SLC35F3: variants seen among roughly 807,000 people sequenced by gnomAD.
The protein encoded by SLC35F3 is solute carrier family 35 member F3, also known as putative thiamine transporter SLC35F3.
SLC35F3 carries 25 observed loss-of-function variants against 49.9 expected under a neutral mutation model. The ratio of observed to expected loss-of-function variants is 0.50; its 90% CI spans 0.37 to 0.70. The LOEUF is 0.70. Among genes scored for constraint, SLC35F3 ranks in the 30% least tolerant of loss-of-function variants. The pLI, the probability that SLC35F3 is intolerant of heterozygous loss-of-function variation, is 0.00. For synonymous variants in SLC35F3, 275 were observed against 265.4 expected, an observed-to-expected ratio of 1.04 and a Z score of -0.35; for missense variants, 525 against 639.8, an observed-to-expected ratio of 0.82 and a Z score of 1.94.
chr1:234,200,340 T>C lies in SLC35F3; in HGVS notation c.284-31077T>C, dbSNP rs375118026. The stretch of plus-strand genomic sequence containing the variant: ...ATTGGGTTGTCTTTTTATTTTTGAG[T>C]TATAAGAGTTCTTCACATATTCTAG... On this transcript the variant is annotated intron_variant, in intron 2 of 7. Coordinates refer to ENST00000366618, the MANE Select transcript of SLC35F3 (RefSeq NM_173508.4). 2.4e-4 allele frequency among the ~76,000 whole-genome samples: 37 copies of C among 152,346 alleles called. No individual in the cohort carries two copies. The South Asian group carries it at 7.7e-3, about 32-fold the overall frequency.
chr1:234,164,016 A>AT (rs1441514663), intron 2 of SLC35F3, among the ~76,000 whole-genome samples: 1 of 152,068 alleles, frequency 6.6e-6, no homozygotes, highest in African/African-American at 2.4e-5. Flanking sequence ...GCAAAAAAAA[A>AT]GCAAATTAGA....
intron 2 of SLC35F3, among the ~76,000 whole-genome samples, chr1:233,971,374 GA>G (rs1269567718): frequency 6.6e-6 from 1 of 152,136 alleles, no homozygotes; most frequent in Non-Finnish European, 1.5e-5. Flanking sequence ...AAGAGAGGAG[GA>G]AAAAACTGCT....
At chr1:234,194,589 C>A (rs1435349660) in intron 2 of SLC35F3, among the ~76,000 whole-genome samples, 1 of 151,196 alleles carries the variant, frequency 6.6e-6, no homozygotes, top group East Asian at 2.0e-4. Context: ...CCCCTCAAAC[C>A]TATGGAAATT....
intron 2 of SLC35F3, among the ~76,000 whole-genome samples, chr1:234,099,038 AAGCAACAGCAAT>A (rs1277528249): frequency 6.6e-6 from 1 of 152,078 alleles, no homozygotes; most frequent in Non-Finnish European, 1.5e-5. Context: ...ACCTGCATTG[AAGCAACAGCAAT>A]AGGAGTGGCA....
intron 6 of SLC35F3, 133 bp downstream of exon 6, chr1:234,319,076 T>C (rs1657556662): frequency 5.3e-6 from 4 of 761,506 alleles, no homozygotes; most frequent in Non-Finnish European, 8.5e-6. Flanking sequence ...TTAAGATCTT[T>C]CTGTTTCACA....
At chr1:233,931,941 C>T (rs1662249770) in intron 2 of SLC35F3, among the ~76,000 whole-genome samples, 1 of 152,180 alleles carries the variant, frequency 6.6e-6, no homozygotes. Flanking sequence ...GGCACATATA[C>T]ACCATGGAAT....
intron 7 of SLC35F3, among the ~76,000 whole-genome samples, chr1:234,322,650 C>CGTGT (rs55827503): frequency 0.091 from 13,153 of 144,836 alleles, 650 homozygotes; most frequent in East Asian, 0.19. Context: ...GGGTCAAATG[C>CGTGT]GTGTGTGTGT....
intron 2 of SLC35F3, among the ~76,000 whole-genome samples, chr1:234,079,409 AC>A (rs923012379): frequency 2.6e-5 from 4 of 152,238 alleles, no homozygotes; most frequent in African/African-American, 9.6e-5. Context: ...TAAATATCAA[AC>A]AAAAAGCACA....
intron 2 of SLC35F3, among the ~76,000 whole-genome samples, chr1:234,050,075 G>A (rs1285965439): frequency 6.6e-6 from 1 of 152,168 alleles, no homozygotes; most frequent in Non-Finnish European, 1.5e-5. Flanking sequence ...CTTTGCTATT[G>A]TGAGTAGTGC....
At chr1:233,953,252 C>T (rs1662638130) in intron 2 of SLC35F3, among the ~76,000 whole-genome samples, 2 of 152,056 alleles carry the variant, frequency 1.3e-5, no homozygotes, top group Admixed American at 6.5e-5. Context: ...TGAAAAAAAT[C>T]AGTAATACTT....
chr1:234,281,935 AG>A (rs1271984137), intron 3 of SLC35F3, among the ~76,000 whole-genome samples: 1 of 152,186 alleles, frequency 6.6e-6, no homozygotes, highest in African/African-American at 2.4e-5. Flanking sequence ...TTGGCCAGGG[AG>A]CAAGGAGCAC....
intron 3 of SLC35F3, chr1:234,274,486 G>A (rs1183195456): frequency 1.3e-5 from 2 of 152,182 alleles, no homozygotes; most frequent in African/African-American, 2.4e-5. Flanking sequence ...AAAGAAACTC[G>A]AGAAATTTCA....
At chr1:234,078,264 T>TTCC (rs924162521) in intron 2 of SLC35F3, among the ~76,000 whole-genome samples, 2 of 152,138 alleles carry the variant, frequency 1.3e-5, no homozygotes, top group Admixed American at 6.6e-5. Flanking sequence ...CTTCCTCTTC[T>TTCC]TCCTCCTCCT....
At chr1:233,939,591 A>G (rs1366765587) in intron 2 of SLC35F3, among the ~76,000 whole-genome samples, 1 of 152,204 alleles carries the variant, frequency 6.6e-6, no homozygotes, top group African/African-American at 2.4e-5. Flanking sequence ...CTCAGCTTAT[A>G]TTAGAGCTGT....
chr1:234,087,428 C>T (rs558514866), intron 2 of SLC35F3, among the ~76,000 whole-genome samples: 2 of 152,332 alleles, frequency 1.3e-5, no homozygotes, highest in African/African-American at 2.4e-5. Context: ...CTCCTTCATA[C>T]TTACAGAGGG....
At chr1:234,235,610 C>T (rs1667452569) in intron 3 of SLC35F3, among the ~76,000 whole-genome samples, 1 of 152,226 alleles carries the variant, frequency 6.6e-6, no homozygotes, top group Non-Finnish European at 1.5e-5. Context: ...GAATTTGCAG[C>T]AGTAATGACC....
intron 2 of SLC35F3, among the ~76,000 whole-genome samples, chr1:233,952,139 C>CT (rs199511517): frequency 1.1e-4 from 17 of 151,054 alleles, no homozygotes; most frequent in African/African-American, 3.7e-4. Flanking sequence ...TTTTATGGTG[C>CT]TTTTTTTTTC....
intron 2 of SLC35F3, among the ~76,000 whole-genome samples, chr1:234,142,869 C>T (rs2102904294): frequency 6.6e-6 from 1 of 152,248 alleles, no homozygotes; most frequent in Middle Eastern, 3.4e-3. Flanking sequence ...GTTATATAGT[C>T]AGTATGGGGA....
intron 2 of SLC35F3, among the ~76,000 whole-genome samples, chr1:233,981,513 G>A (rs1290704004): frequency 1.3e-5 from 2 of 152,128 alleles, no homozygotes; most frequent in Non-Finnish European, 2.9e-5. Flanking sequence ...CTTGCTGAGC[G>A]GGATTCAACA....
Sources: allele counts gnomAD v4.1 joint callset (sites outside exome capture counted in the v4.1 genomes callset), GRCh38; gene constraint gnomAD v4.1.1; transcripts MANE v1.5; gene names NCBI Gene and HGNC (gene_info 2026-07-23, HGNC 2026-07-21).